Variants in SYNE2 observed in about 807,000 individuals in gnomAD.
The protein encoded by SYNE2 is spectrin repeat containing nuclear envelope protein 2, also known as nesprin-2.
SYNE2 carries 431 observed loss-of-function variants against 856.3 expected under a neutral mutation model. That is an observed-to-expected ratio of 0.50 (90% CI 0.47 to 0.55). The LOEUF is 0.55. Among genes scored for constraint, SYNE2 ranks in the 20% least tolerant of loss-of-function variants. SYNE2 has a pLI of 0.00. For missense variants in SYNE2, 8,129 were observed against 8,023.2 expected (o/e 1.01, Z -0.50); for synonymous variants, 2,923 against 2,872.3 (o/e 1.02, Z -0.56).
intron 84 of SYNE2, among the ~76,000 whole-genome samples, chr14:64,149,043 C>G (rs936196802): frequency 6.7e-6 from 1 of 150,206 alleles, no homozygotes; most frequent in Non-Finnish European, 1.5e-5. Context: ...TGCAGTTGCT[C>G]ACACCTGTAA....
rs147928001 is a variant in SYNE2, at chr14:63,781,726, G to C, written c.-305+19740G>C. Among the ~76,000 whole-genome samples, 213 of 152,022 alleles carry C rather than the reference G, an allele frequency of 1.4e-3. 3 individuals carry two copies. In the East Asian group the frequency reaches 0.036, roughly 26 times the overall value. On this transcript the variant is annotated intron_variant, in intron 1 of 23. Transcript: ENST00000674003. ...TTTTCTAGCATTTTCTCCAGTGTGG[G>C]ACTAGAAACAATGACACACCAATAG...
At chr14:63,870,274 ATACACC>A (rs1435278888) in intron 1 of SYNE2, among the ~76,000 whole-genome samples, 7 of 151,518 alleles carry the variant, frequency 4.6e-5, no homozygotes, top group Non-Finnish European at 8.8e-5. Context: ...AGGCCTGGCA[ATACACC>A]CTCAGCTCAA....
In SYNE2 at chr14:64,209,553, C is replaced by T; in HGVS notation, c.18515C>T (p.Ala6172Val). Reference sequence around the variant, plus strand: ...TCCTCAGAGGTGTTGTACACGAGTGCCAAAGAGGAACTGAAGAGGTTTGAG... The same window carrying T: ...TCCTCAGAGGTGTTGTACACGAGTGTCAAAGAGGAACTGAAGAGGTTTGAG... ...PNSSEVLYTS[A>V]KEELKRFEAF... The change falls in exon 102 of 116, where the codon GCC (alanine) becomes GTC (valine). Residue 6172 changes from alanine (A) to valine (V), a missense_variant. By Grantham distance (64) the Ala-to-Val change is moderately conservative (BLOSUM62 0). Coordinates refer to ENST00000555002, the MANE Select transcript of SYNE2 (RefSeq NM_182914.3). The T allele has an allele frequency of 6.2e-7, 1 of 1,614,168 alleles. No homozygotes were observed. The highest frequency in any genetic ancestry group is 1.1e-5 in the South Asian group (1 of 91,088).
At chr14:63,894,720 C>T (rs2095215402) in intron 1 of SYNE2, among the ~76,000 whole-genome samples, 2 of 152,086 alleles carry the variant, frequency 1.3e-5, no homozygotes, top group South Asian at 4.1e-4. Flanking sequence ...TGTAAAGTGT[C>T]CTTAGGAATA....
rs1447336484 is a variant in SYNE2, at chr14:64,081,476, C to A, written c.11380C>A (p.Leu3794Met). ...TAAGATGGAGGAATATAGTGACCTT[C>A]TGAAGAGCACTGAGGCTTGGATAGA... ...TVKMEEYSDL[L>M]KSTEAWIENT... is the part of the protein sequence containing the mutation. The change falls in exon 57 of 116, where the codon CTG (leucine) becomes ATG (methionine). Residue 3794 changes from leucine (L) to methionine (M), a missense_variant. By Grantham distance (15) the Leu-to-Met change is conservative. Coordinates refer to ENST00000555002, the MANE Select transcript of SYNE2 (RefSeq NM_182914.3). 1 of 1,614,184 alleles carries A rather than the reference C, an allele frequency of 6.2e-7. No individual in the cohort carries two copies. The highest frequency in any genetic ancestry group is 8.5e-7 in the Non-Finnish European group (1 of 1,180,036).
At chr14:64,030,888 A>G (rs181054952) in intron 44 of SYNE2, 128 bp from the exon 45 acceptor site, 132 of 734,456 alleles carry the variant, frequency 1.8e-4, no homozygotes, top group Non-Finnish European at 1.8e-5. Flanking sequence ...AGTTTCTTCT[A>G]TGTGATATGA....
intron 45 of SYNE2, among the ~76,000 whole-genome samples, chr14:64,038,747 G>A (rs564202091): frequency 1.4e-4 from 21 of 152,384 alleles, no homozygotes; most frequent in African/African-American, 4.8e-4. Context: ...GCAGGCTGAG[G>A]CAGGAGAATC....
At chr14:64,120,410 A>G (rs1354819839) in intron 67 of SYNE2, among the ~76,000 whole-genome samples, 1 of 152,262 alleles carries the variant, frequency 6.6e-6, no homozygotes, top group Admixed American at 6.5e-5. Context: ...AGCTTGAAGA[A>G]GTAAGATGAT....
intron 19 of SYNE2, among the ~76,000 whole-genome samples, chr14:63,989,772 T>C (rs1433039823): frequency 6.6e-6 from 1 of 152,182 alleles, no homozygotes; most frequent in East Asian, 1.9e-4. Context: ...TGCCTCAGTC[T>C]CCCGAGTAAC....
chr14:64,022,750 G>C lies in SYNE2; in HGVS notation c.5525-1G>C. 1 of 1,528,954 alleles carries C rather than the reference G, an allele frequency of 6.5e-7. No individual in the cohort carries two copies. The highest frequency in any genetic ancestry group is 9.1e-7 in the Non-Finnish European group (1 of 1,104,506). 94.7% of individuals were successfully genotyped at this position (1,528,954 alleles called of 1,614,324 possible). ...ATAGAGCTTTTTTTTTCCCCCTGCA[G>C]ATCAATGCAAGAACTTTAATGACTG... is the stretch of plus-strand genomic sequence containing the variant. On this transcript the variant is annotated splice_acceptor_variant, in intron 37 of 115. Transcript: ENST00000555002. LOFTEE classifies it high-confidence loss of function.
At chr14:63,875,798 G>A (rs1464718135) in intron 1 of SYNE2, among the ~76,000 whole-genome samples, 2 of 152,150 alleles carry the variant, frequency 1.3e-5, no homozygotes, top group East Asian at 1.9e-4. Flanking sequence ...AATCTTAAGA[G>A]GTACATTTGA....
intron 1 of SYNE2, among the ~76,000 whole-genome samples, chr14:63,780,319 A>C (rs982249749): frequency 6.6e-6 from 1 of 152,148 alleles, no homozygotes; most frequent in African/African-American, 2.4e-5. Flanking sequence ...AGACGATTTG[A>C]GGTCAGGAGT....
chr14:63,887,521 T>C (rs1293116311), intron 1 of SYNE2, among the ~76,000 whole-genome samples: 1 of 152,106 alleles, frequency 6.6e-6, no homozygotes, highest in Non-Finnish European at 1.5e-5. Context: ...TGATTGTCCT[T>C]CAGGAGGATC....
intron 64 of SYNE2, among the ~76,000 whole-genome samples, chr14:64,106,635 C>T (rs1324295029): frequency 6.6e-6 from 1 of 152,098 alleles, no homozygotes; most frequent in East Asian, 1.9e-4. Flanking sequence ...GGCGACAGAG[C>T]GAGACTCCGT....
rs369566198 is a variant in SYNE2 at position 63,885,027 on chromosome 14, C to T, written c.-51-24071C>T. Among the ~76,000 whole-genome samples the T allele has an allele frequency of 2.3e-3, 351 of 152,182 alleles. 2 individuals are homozygous for T. Among genetic ancestry groups the T allele is most frequent in the African/African-American group, 8.1e-3 (335 of 41,530 alleles). On this transcript the variant is annotated intron_variant, in intron 1 of 115. Transcript: ENST00000555002. ...GGATGCTGTGTTTACTGTCAAGATT[C>T]GCTTCAAAGAAAGACTCGGTGCCCA... is the stretch of plus-strand genomic sequence containing the variant.
chr14:63,799,238 C>A (rs1320163592), intron 1 of SYNE2, among the ~76,000 whole-genome samples: 1 of 152,130 alleles, frequency 6.6e-6, no homozygotes, highest in African/African-American at 2.4e-5. Context: ...ACCACCATGC[C>A]TGGCTAATTT....
intron 32 of SYNE2, among the ~76,000 whole-genome samples, chr14:64,016,159 A>T (rs2096890353): frequency 6.6e-6 from 1 of 151,650 alleles, no homozygotes; most frequent in Non-Finnish European, 1.5e-5. Context: ...TTGAATGCAG[A>T]TGCTTTTTTT....
chr14:64,113,313 C>A (rs200298583), intron 65 of SYNE2, 28 bp from the exon 66 acceptor site: 2 of 1,612,812 alleles, frequency 1.2e-6, no homozygotes, highest in South Asian at 1.1e-5. Context: ...ACTTTGGACT[C>A]CCTGGCTTAT....
chr14:64,215,910 T>TC (rs1442921284), intron 107 of SYNE2: 8 of 1,279,514 alleles, frequency 6.3e-6, no homozygotes, highest in Middle Eastern at 3.2e-4. Context: ...TGTTCACTCT[T>TC]CCCCTCACTC....
Sources: allele counts gnomAD v4.1 joint callset (sites outside exome capture counted in the v4.1 genomes callset), GRCh38; gene constraint gnomAD v4.1.1; transcripts MANE v1.5; gene names NCBI Gene and HGNC (gene_info 2026-07-23, HGNC 2026-07-21).